The following RUSF1 variants were observed in gnomAD, a reference collection of about 807,000 sequenced individuals.
RUSF1 encodes RUS1 family protein C16orf58.
In RUSF1, 58 loss-of-function variants were observed where a neutral mutation model predicts 63.0. The observed-to-expected ratio is 0.92, with a 90% CI of 0.75 to 1.15. The LOEUF is 1.15. Ranked by LOEUF, RUSF1 falls within the 50% of genes most tolerant of loss-of-function variation. The pLI is 0.00. For missense variants in RUSF1, 652 were observed against 611.0 expected, an observed-to-expected ratio of 1.07 and a Z score of -0.71; for synonymous variants, 274 against 255.8, an observed-to-expected ratio of 1.07 and a Z score of -0.68.
intron 4 of RUSF1, 34 bp downstream of exon 4, chr16:31,499,459 A>T: frequency 6.2e-7 from 1 of 1,611,602 alleles, no homozygotes; most frequent in Non-Finnish European, 8.5e-7. Flanking sequence ...TTCATAATGG[A>T]AGACTCCCCT....
At chr16:31,495,400 G>A (rs944133506) in intron 6 of RUSF1, among the ~76,000 whole-genome samples, 1 of 152,236 alleles carries the variant, frequency 6.6e-6, no homozygotes, top group East Asian at 1.9e-4. Context: ...CTCCCAGGTG[G>A]GAAGAGTCAT....
intron 12 of RUSF1, 124 bp from the exon 13 acceptor site, chr16:31,491,056 A>T: frequency 2.4e-6 from 2 of 847,846 alleles, no homozygotes; most frequent in Non-Finnish European, 3.7e-6. Context: ...AGTATGGCAT[A>T]AAATGAGGCT....
chr16:31,503,738 C>G (rs915323962), intron 2 of RUSF1, among the ~76,000 whole-genome samples: 1 of 151,968 alleles, frequency 6.6e-6, no homozygotes, highest in African/African-American at 2.4e-5. Flanking sequence ...TCTCGGCTCA[C>G]CACAACCTCC....
chr16:31,493,360 G>A lies in RUSF1; in HGVS notation c.1016+107C>T, dbSNP rs1596625576. ...CCCATGTCTGTTCAGCAGCAATGAA[G>A]AACCCAGGACAGAGAGGTGGGGCCT... On this transcript the variant is annotated intron_variant, in intron 9 of 12. Transcript: ENST00000327237. 5 of 1,396,328 alleles carry A rather than the reference G, an allele frequency of 3.6e-6. No homozygotes were observed. In the East Asian group the frequency reaches 1.2e-4, roughly 35 times the overall value. The allele number at this position is 1,396,328 out of a possible 1,614,324, so 86.5% of individuals were successfully genotyped here.
chr16:31,497,106 G>A (rs1008550103), intron 5 of RUSF1, among the ~76,000 whole-genome samples, 156 bp from the exon 6 acceptor site: 1 of 152,168 alleles, frequency 6.6e-6, no homozygotes, highest in African/African-American at 2.4e-5. Flanking sequence ...CAACTTCCCT[G>A]TCCTGTTCTA....
rs1214636074 is a variant in RUSF1 at position 31,493,691 on chromosome 16, G to A, written c.870C>T (p.Gly290=). Residue 290 remains glycine (G), a synonymous_variant, in exon 8 of 13, where the codon GGC becomes GGT. Coordinates refer to ENST00000327237, the MANE Select transcript of RUSF1 (RefSeq NM_022744.4). ...AGTGCTTCAGGACCAGCCGGAGCCG[G>A]CCTTCGTTCAAGGTCTCCATGACCA... The part of the protein sequence containing the change: ...RALVMETLNE[G]RLRLVLKHYL... 6.2e-7 allele frequency: 1 copy of A among 1,614,262 alleles called. No individual in the cohort carries two copies. The highest frequency in any genetic ancestry group is 8.5e-7 in the Non-Finnish European group (1 of 1,180,048).
chr16:31,502,876 C>T (rs1225710820), intron 2 of RUSF1, among the ~76,000 whole-genome samples: 13 of 152,368 alleles, frequency 8.5e-5, no homozygotes, highest in Middle Eastern at 3.4e-3. Context: ...GTGATCCACC[C>T]GCCTCGGCCT....
intron 2 of RUSF1, among the ~76,000 whole-genome samples, chr16:31,501,884 A>G (rs1248589419): frequency 6.6e-6 from 1 of 152,164 alleles, no homozygotes; most frequent in Non-Finnish European, 1.5e-5. Context: ...TTTTGGAAAT[A>G]AAGTATTACT....
Position 31,490,661 on chromosome 16 carries a change from C to G in RUSF1, c.*174G>C. 9.1e-7 allele frequency: 1 copy of G among 1,096,328 alleles called. No homozygotes were observed. Among genetic ancestry groups the G allele is most frequent in the Non-Finnish European group, 1.4e-6 (1 of 736,046 alleles). The allele number at this position is 1,096,328 out of a possible 1,614,324, so 67.9% of individuals were successfully genotyped here. The stretch of plus-strand genomic sequence containing the variant: ...AGGTCCTGGCTCCCCTTCTCCCGGC[C>G]TTCCTCTGCCTGGGGCCCACTGCAT... On this transcript the variant is annotated 3_prime_UTR_variant, in exon 13 of 13. Coordinates refer to ENST00000327237, the MANE Select transcript of RUSF1 (RefSeq NM_022744.4).
chr16:31,489,838 A>C lies in RUSF1; in HGVS notation c.*997T>G. ...CTGCCAGGCCAGTGTCACAAGCGCTACCATCTGGGTGTAGACAGACCTGAG... is the reference window on the plus strand; with the variant it reads ...CTGCCAGGCCAGTGTCACAAGCGCTCCCATCTGGGTGTAGACAGACCTGAG... On this transcript the variant is annotated 3_prime_UTR_variant, in exon 13 of 13. Coordinates refer to ENST00000327237, the MANE Select transcript of RUSF1 (RefSeq NM_022744.4). 1 of 495,120 alleles carries C rather than the reference A, an allele frequency of 2.0e-6. No individual in the cohort carries two copies. The highest frequency in any genetic ancestry group is 3.7e-6 in the Non-Finnish European group (1 of 269,624). 30.7% of individuals were successfully genotyped at this position (495,120 alleles called of 1,614,324 possible).
At chr16:31,497,088 C>T (rs955290283) in intron 5 of RUSF1, 138 bp from the exon 6 acceptor site, 14 of 648,360 alleles carry the variant, frequency 2.2e-5, no homozygotes, top group Non-Finnish European at 3.7e-5. Context: ...CTTGATGCCC[C>T]CTAGGCTCAA....
chr16:31,497,022 G>A, intron 5 of RUSF1, 72 bp from the exon 6 acceptor site: 1 of 1,284,168 alleles, frequency 7.8e-7, no homozygotes, highest in Non-Finnish European at 1.1e-6. Context: ...AGACCAGCTG[G>A]AGAAAACCTG....
chr16:31,491,943 G>C (rs1596624380), intron 12 of RUSF1, 66 bp downstream of exon 12: 1 of 1,524,684 alleles, frequency 6.6e-7, no homozygotes. Flanking sequence ...GGTGGGAGTG[G>C]GGGAAGGCGG....
At chr16:31,493,102 CCCAACCAGCCA>C (rs757691471) in intron 9 of RUSF1, 54 bp from the exon 10 acceptor site, 22 of 1,557,172 alleles carry the variant, frequency 1.4e-5, no homozygotes, top group Non-Finnish European at 1.9e-5. Flanking sequence ...GGCAGGCATG[CCCAACCAGCCA>C]CTGAACAGCC....
At position 31,489,926 on chromosome 16, in the gene RUSF1, T is replaced by A; in HGVS notation, c.*909A>T. ...CACAAGCTCAGGGGCTTGGGGTTTA[T>A]CCCGAGGGCACAGGGCAGCCATGTA... On this transcript the variant is annotated 3_prime_UTR_variant, in exon 13 of 13. Transcript: ENST00000327237. The A allele has an allele frequency of 2.5e-6, 2 of 788,460 alleles. No homozygotes were observed. Among genetic ancestry groups the A allele is most frequent in the South Asian group, 3.2e-5 (2 of 62,338 alleles). The allele number at this position is 788,460 out of a possible 1,614,324, so 48.8% of individuals were successfully genotyped here. A position where few individuals can be genotyped will look rare whatever the true frequency, so the allele number is the denominator to read the frequency against.
Position 31,490,964 on chromosome 16 carries a change from T to A in RUSF1, c.1310-32A>T, listed in dbSNP as rs1303558079. ...AGAGATCATGGGGTGCTGCCGGGAA[T>A]GCTGGGGACAAGGGTAAGGAGAGGC... On this transcript the variant is annotated intron_variant, in intron 12 of 12. Coordinates refer to ENST00000327237, the MANE Select transcript of RUSF1 (RefSeq NM_022744.4). The A allele has an allele frequency of 3.7e-6, 6 of 1,607,804 alleles. No homozygotes were observed. In the East Asian group the frequency reaches 1.1e-4, roughly 30 times the overall value.
intron 5 of RUSF1, among the ~76,000 whole-genome samples, chr16:31,498,783 T>C (rs1567397379): frequency 6.6e-6 from 1 of 152,096 alleles, no homozygotes; most frequent in South Asian, 2.1e-4. Context: ...CACCTTAAAC[T>C]CCATCTTCAG....
Position 31,490,417 on chromosome 16 carries a change from C to G in RUSF1, c.*418G>C, listed in dbSNP as rs146166287. On this transcript the variant is annotated 3_prime_UTR_variant, in exon 13 of 13. Transcript: ENST00000327237. ...CCGCCCCTTACCCAGGAGGAGGCAG[C>G]GGCAGCAGCCAGGCGGCTGGAGGAC... 1.2e-6 allele frequency: 2 copies of G among 1,613,416 alleles called. No homozygotes were observed. The highest frequency in any genetic ancestry group is 1.1e-5 in the South Asian group (1 of 90,962).
chr16:31,508,038 C>T, intron 1 of RUSF1, 36 bp downstream of exon 1: 1 of 1,574,868 alleles, frequency 6.3e-7, no homozygotes, highest in South Asian at 1.2e-5. Flanking sequence ...GGAGGAGTGG[C>T]CTGCACTGTC....
Sources: allele counts gnomAD v4.1 joint callset (sites outside exome capture counted in the v4.1 genomes callset), GRCh38; gene constraint gnomAD v4.1.1; transcripts MANE v1.5; gene names NCBI Gene and HGNC (gene_info 2026-07-23, HGNC 2026-07-21).